Variants in TSHZ2 observed in about 807,000 individuals in gnomAD.
TSHZ2 encodes teashirt zinc finger homeobox 2.
A neutral mutation model predicts 74.4 loss-of-function variants in TSHZ2; 21 were observed. The observed-to-expected ratio is 0.28, with a 90% CI of 0.20 to 0.41. TSHZ2 has a LOEUF of 0.41. TSHZ2 is among the 10% of genes least tolerant of loss of function. The pLI is 1.00. For synonymous variants in TSHZ2, 540 were observed against 515.3 expected (o/e 1.05, Z -0.65); for missense variants, 1,244 against 1,293.5 (o/e 0.96, Z 0.59).
intron 2 of TSHZ2, among the ~76,000 whole-genome samples, chr20:53,304,971 T>A (rs1476615564): frequency 1.4e-5 from 2 of 148,062 alleles, no homozygotes; most frequent in African/African-American, 5.0e-5. Flanking sequence ...AGTCTTGCTC[T>A]GTCGCCCAGG....
At chr20:53,108,086 T>G (rs755478213) in intron 1 of TSHZ2, among the ~76,000 whole-genome samples, 4 of 152,214 alleles carry the variant, frequency 2.6e-5, no homozygotes, top group Non-Finnish European at 4.4e-5. Context: ...AGGCTTCAGT[T>G]TAGACTTACC....
At chr20:53,108,723 AG>A (rs1484630110) in intron 1 of TSHZ2, among the ~76,000 whole-genome samples, 2 of 152,178 alleles carry the variant, frequency 1.3e-5, no homozygotes, top group Non-Finnish European at 2.9e-5. Flanking sequence ...TCAATATCCA[AG>A]ACCTGTTTTA....
In TSHZ2 at chr20:53,255,720, G is replaced by C. The variant is rs758322909; in HGVS notation, c.2262G>C (p.Arg754Ser). 6.2e-7 allele frequency: 1 copy of C among 1,611,480 alleles called. No individual in the cohort carries two copies. Among genetic ancestry groups the C allele is most frequent in the Admixed American group, 1.7e-5 (1 of 59,652 alleles). Residue 754 changes from arginine (R) to serine (S), a missense_variant, in exon 2 of 3, where the codon AGG (arginine) becomes AGC (serine). Arg to Ser is a moderately radical substitution (Grantham distance 110). Around this residue, in one of 6 missense-constraint regions of TSHZ2, gnomAD observed 562 missense variants for 544.0 expected, o/e 1.03. Coordinates refer to ENST00000371497, the MANE Select transcript of TSHZ2 (RefSeq NM_173485.6). The surrounding 1 kb of genome is among the most constrained non-coding windows in gnomAD (Gnocchi z 4.1). ...CCACAAGGTCAGCCAGCGTGTCCAG[G>C]CGCTACCTGTTTGAGAACAGCGATC... The part of the protein sequence containing the change: ...PASTRSASVS[R>S]RYLFENSDQP...
intron 2 of TSHZ2, among the ~76,000 whole-genome samples, chr20:53,394,568 G>A (rs1982373529): frequency 6.6e-6 from 1 of 151,976 alleles, no homozygotes; most frequent in South Asian, 2.1e-4. Context: ...CTGCTCTTCA[G>A]GAATGTGGTT....
rs561318436 is a variant in TSHZ2 at position 53,396,955 on chromosome 20, A to T, written c.*9-90189A>T. ...AGCTGAAACTGGATCCCTTCCTTAC[A>T]CCTTATACAAAAATTAATTCAAGAT... On this transcript the variant is annotated intron_variant, in intron 2 of 2. Coordinates refer to ENST00000371497, the MANE Select transcript of TSHZ2 (RefSeq NM_173485.6). Among the ~76,000 whole-genome samples, 3 of 152,204 alleles carry T rather than the reference A, an allele frequency of 2.0e-5. No homozygotes were observed. The South Asian group carries it at 6.2e-4, about 32-fold the overall frequency.
At chr20:53,444,865 C>A (rs1420615109) in intron 2 of TSHZ2, among the ~76,000 whole-genome samples, 2 of 152,128 alleles carry the variant, frequency 1.3e-5, no homozygotes, top group Non-Finnish European at 2.9e-5. Context: ...GCCACTTGGC[C>A]CCCCAGCCCA....
chr20:53,265,202 A>G (rs1990688326), intron 2 of TSHZ2, among the ~76,000 whole-genome samples: 1 of 152,218 alleles, frequency 6.6e-6, no homozygotes, highest in Admixed American at 6.5e-5. Flanking sequence ...CCCAGGCCAC[A>G]CAGCTAACAG....
At chr20:53,223,094 G>T (rs1463527426) in intron 1 of TSHZ2, among the ~76,000 whole-genome samples, 1 of 151,938 alleles carries the variant, frequency 6.6e-6, no homozygotes, top group Non-Finnish European at 1.5e-5. Context: ...TGTCTAATAT[G>T]TCTATCATCT....
intron 1 of TSHZ2, among the ~76,000 whole-genome samples, chr20:53,085,973 G>A (rs1206738266): frequency 6.6e-6 from 1 of 152,116 alleles, no homozygotes; most frequent in Non-Finnish European, 1.5e-5. Flanking sequence ...CAAGGCCTAG[G>A]GTTATTGTGC....
At chr20:53,206,592 A>G (rs1352100304) in intron 1 of TSHZ2, 3 of 152,214 alleles carry the variant, frequency 2.0e-5, no homozygotes, top group Admixed American at 1.3e-4. Context: ...TTTTTTGAAC[A>G]CTGTATACCC....
At chr20:53,420,896 T>C (rs1329902194) in intron 2 of TSHZ2, among the ~76,000 whole-genome samples, 2 of 152,200 alleles carry the variant, frequency 1.3e-5, no homozygotes, top group Non-Finnish European at 2.9e-5. Context: ...TGCAGTAAAG[T>C]CTTGCTCAGC....
Position 52,988,089 on chromosome 20 carries a change from A to G in TSHZ2, c.40+14756A>G, listed in dbSNP as rs16997385. ...TGAATCAGACTTCCAAGCCCTTTCT[A>G]TGTAGTACCGGTGATCCATGGGTGA... On this transcript the variant is annotated intron_variant, in intron 1 of 2. Transcript: ENST00000371497. Among the ~76,000 whole-genome samples the G allele has an allele frequency of 8.0e-3, 1,211 of 151,596 alleles. 22 individuals carry two copies. Among genetic ancestry groups the G allele is most frequent in the African/African-American group, 0.028 (1,147 of 41,282 alleles).
At chr20:53,202,524 G>A (rs1247086968) in intron 1 of TSHZ2, among the ~76,000 whole-genome samples, 3 of 151,902 alleles carry the variant, frequency 2.0e-5, no homozygotes, top group African/African-American at 7.3e-5. Flanking sequence ...CACTGAGCTC[G>A]GTGCTTTATG....
In TSHZ2 at chr20:53,489,310, C is replaced by T. The variant is rs1277466505; in HGVS notation, c.*2175C>T. The T allele has an allele frequency of 1.0e-5, 4 of 401,702 alleles. No individual in the cohort carries two copies. The highest frequency in any genetic ancestry group is 3.7e-5 in the South Asian group (2 of 53,796). The allele number at this position is 401,702 out of a possible 1,614,324, so 24.9% of individuals were successfully genotyped here. A position where few individuals can be genotyped will look rare whatever the true frequency, so the allele number is the denominator to read the frequency against. On this transcript the variant is annotated 3_prime_UTR_variant, in exon 3 of 3. Coordinates refer to ENST00000371497, the MANE Select transcript of TSHZ2 (RefSeq NM_173485.6). ...TATTCAACCAGAAATGAATGGAGCT[C>T]GACTGGAAAGGAACAGTCTTCAGAT...
At chr20:53,459,459 T>G (rs367757050) in intron 2 of TSHZ2, among the ~76,000 whole-genome samples, 62 of 149,970 alleles carry the variant, frequency 4.1e-4, no homozygotes, top group Admixed American at 7.3e-4. Context: ...GTCTCTGCAC[T>G]TGAGATGGGT....
intron 2 of TSHZ2, among the ~76,000 whole-genome samples, chr20:53,454,553 C>T (rs1358610605): frequency 6.7e-6 from 1 of 148,760 alleles, no homozygotes; most frequent in Non-Finnish European, 1.5e-5. Flanking sequence ...CAGAGTGAAA[C>T]TTGGTCTCAA....
chr20:53,339,541 G>A (rs1327260667), intron 2 of TSHZ2, among the ~76,000 whole-genome samples: 3 of 152,216 alleles, frequency 2.0e-5, no homozygotes, highest in African/African-American at 4.8e-5. Context: ...CCAGCTACAT[G>A]ATTTTCAGGG....
intron 2 of TSHZ2, among the ~76,000 whole-genome samples, chr20:53,458,425 T>C: frequency 6.6e-6 from 1 of 152,230 alleles, no homozygotes; most frequent in Non-Finnish European, 1.5e-5. Flanking sequence ...TCATTTTTTA[T>C]TACATCTATT....
At chr20:53,484,493 C>T (rs1010771321) in intron 2 of TSHZ2, among the ~76,000 whole-genome samples, 8 of 150,696 alleles carry the variant, frequency 5.3e-5, no homozygotes, top group African/African-American at 1.7e-4. Flanking sequence ...TCAAGCGATT[C>T]TCATGCCTCA....
Sources: gnomAD v4.1 joint callset for allele counts (sites outside exome capture counted in the v4.1 genomes callset) on GRCh38, gnomAD v4.1.1 for gene constraint, gnomAD v4.1.1 regional missense constraint, Gnocchi (gnomAD v3.1) non-coding constraint, MANE v1.5 for transcripts, NCBI Gene and HGNC (gene_info 2026-07-23, HGNC 2026-07-21) for gene names.